Variants in RAPGEF5 observed in about 807,000 individuals in gnomAD.
The protein encoded by RAPGEF5 is Rap guanine nucleotide exchange factor 5, also known as M-Ras-regulated GEF.
Under a neutral mutation model 125.2 loss-of-function variants are expected in RAPGEF5, and 65 were observed. The ratio of observed to expected loss-of-function variants is 0.52; its 90% CI spans 0.43 to 0.64. The LOEUF (loss-of-function observed/expected upper bound fraction) is 0.64, where lower values mean the gene tolerates loss of function less well. Among genes scored for constraint, RAPGEF5 ranks in the 30% least tolerant of loss-of-function variants. The pLI is 0.00. For missense variants in RAPGEF5, 958 were observed against 1,048.1 expected, an observed-to-expected ratio of 0.91 and a Z score of 1.19; for synonymous variants, 391 against 385.9, an observed-to-expected ratio of 1.01 and a Z score of -0.16.
intron 1 of RAPGEF5, among the ~76,000 whole-genome samples, chr7:22,325,186 T>C (rs1183048167): frequency 6.6e-6 from 1 of 152,202 alleles, no homozygotes; most frequent in Non-Finnish European, 1.5e-5. Context: ...CTTTCCATAT[T>C]TGCCACTGAA....
chr7:22,154,253 T>C (rs1191953622), intron 17 of RAPGEF5, among the ~76,000 whole-genome samples: 7 of 152,318 alleles, frequency 4.6e-5, no homozygotes, highest in Non-Finnish European at 7.4e-5. Flanking sequence ...TATTCAGTTC[T>C]TGGGGAGGAA....
intron 1 of RAPGEF5, among the ~76,000 whole-genome samples, chr7:22,351,878 G>A (rs1028416339): frequency 6.6e-6 from 1 of 152,184 alleles, no homozygotes. Context: ...CAAAGGGAAA[G>A]GGATACTTTG....
intron 8 of RAPGEF5, among the ~76,000 whole-genome samples, chr7:22,228,557 G>A (rs1336277908): frequency 2.9e-5 from 4 of 139,028 alleles, no homozygotes; most frequent in Non-Finnish European, 5.9e-5. Context: ...ACCCAGGCTG[G>A]AGTGCAATGG....
intron 1 of RAPGEF5, among the ~76,000 whole-genome samples, chr7:22,346,570 A>T (rs1784228791): frequency 6.6e-6 from 1 of 152,126 alleles, no homozygotes; most frequent in Non-Finnish European, 1.5e-5. Context: ...GTCAGCACCA[A>T]AGTCCTAAGT....
At chr7:22,203,820 C>T (rs1785335622) in intron 9 of RAPGEF5, among the ~76,000 whole-genome samples, 1 of 152,144 alleles carries the variant, frequency 6.6e-6, no homozygotes, top group African/African-American at 2.4e-5. Context: ...GCAACTGAGG[C>T]ATGGTACAGT....
At chr7:22,188,768 A>AG (rs1399594823) in intron 11 of RAPGEF5, among the ~76,000 whole-genome samples, 1 of 151,102 alleles carries the variant, frequency 6.6e-6, no homozygotes, top group African/African-American at 2.4e-5. Flanking sequence ...CCGTCTCAAA[A>AG]AAAAAAAAAA....
chr7:22,127,339 G>A (rs1034791253), intron 24 of RAPGEF5, among the ~76,000 whole-genome samples: 1 of 152,048 alleles, frequency 6.6e-6, no homozygotes, highest in Non-Finnish European at 1.5e-5. Flanking sequence ...CCACCTGGCC[G>A]GCAAAAGTCT....
chr7:22,263,679 G>A (rs10225069), intron 7 of RAPGEF5, among the ~76,000 whole-genome samples: 27,700 of 150,924 alleles, frequency 0.18, 3,087 homozygotes, highest in East Asian at 0.48. Context: ...GCAGTGAGCC[G>A]AAATTGCGCC....
intron 24 of RAPGEF5, among the ~76,000 whole-genome samples, chr7:22,128,284 T>C (rs555754603): frequency 6.6e-6 from 1 of 152,254 alleles, no homozygotes; most frequent in South Asian, 2.1e-4. Flanking sequence ...ATGAAAACAT[T>C]TCCAGTAGCT....
chr7:22,159,390 C>T (rs953356681), intron 14 of RAPGEF5, among the ~76,000 whole-genome samples: 1 of 152,196 alleles, frequency 6.6e-6, no homozygotes, highest in African/African-American at 2.4e-5. Context: ...TCTCCCTTTA[C>T]TAAAATTAAG....
intron 15 of RAPGEF5, 109 bp from the exon 16 acceptor site, chr7:22,156,997 T>C: frequency 1.3e-6 from 2 of 1,483,768 alleles, no homozygotes; most frequent in South Asian, 2.7e-5. Flanking sequence ...TTTTTTAATA[T>C]GAAATCCACC....
At chr7:22,157,917 T>C in intron 14 of RAPGEF5, 32 bp from the exon 15 acceptor site, 1 of 1,589,910 alleles carries the variant, frequency 6.3e-7, no homozygotes, top group Non-Finnish European at 8.6e-7. Context: ...AGTCAGTCTT[T>C]GTCTCAAACC....
chr7:22,245,331 C>T (rs975742253), intron 7 of RAPGEF5, among the ~76,000 whole-genome samples: 16 of 152,094 alleles, frequency 1.1e-4, no homozygotes, highest in African/African-American at 3.9e-4. Context: ...TCTCATTTGT[C>T]TTTTTTCGCT....
chr7:22,152,261 G>A lies in RAPGEF5; in HGVS notation c.1787-1757C>T, dbSNP rs535123084. ...ATGTTGGGCTGGTGACATGTATAGC[G>A]GATGGTCTCACACAGCTGGATTCTT... On this transcript the variant is annotated intron_variant, in intron 17 of 25. Coordinates refer to ENST00000665637, the MANE Select transcript of RAPGEF5 (RefSeq NM_012294.5). Among the ~76,000 whole-genome samples, 13 of 152,194 alleles carry A rather than the reference G, an allele frequency of 8.5e-5. No individual in the cohort carries two copies. The South Asian group carries it at 2.3e-3, about 27-fold the overall frequency.
intron 6 of RAPGEF5, among the ~76,000 whole-genome samples, chr7:22,289,336 A>G (rs993129636): frequency 3.3e-5 from 5 of 152,260 alleles, no homozygotes; most frequent in African/African-American, 1.2e-4. Flanking sequence ...AATATTGGAG[A>G]TAAAAATTCT....
chr7:22,353,978 G>A (rs1307171322), intron 1 of RAPGEF5, among the ~76,000 whole-genome samples: 1 of 152,152 alleles, frequency 6.6e-6, no homozygotes, highest in Non-Finnish European at 1.5e-5. Flanking sequence ...GGCTGAGGTG[G>A]GAGGACCGCT....
intron 6 of RAPGEF5, among the ~76,000 whole-genome samples, chr7:22,285,305 T>C (rs999519745): frequency 1.3e-5 from 2 of 152,232 alleles, no homozygotes; most frequent in Non-Finnish European, 2.9e-5. Context: ...CAGACCATCA[T>C]GGTCAGGACC....
intron 3 of RAPGEF5, among the ~76,000 whole-genome samples, chr7:22,314,302 T>A (rs1783541924): frequency 6.6e-6 from 1 of 152,104 alleles, no homozygotes. Flanking sequence ...AGTGGCTAAA[T>A]GGATAATGAT....
chr7:22,212,036 G>T (rs1279263718), intron 9 of RAPGEF5, among the ~76,000 whole-genome samples: 1 of 143,842 alleles, frequency 7.0e-6, no homozygotes, highest in Non-Finnish European at 1.5e-5. Flanking sequence ...GCACAATCTC[G>T]GCTCACCACA....
Sources: gnomAD v4.1 joint callset for allele counts (sites outside exome capture counted in the v4.1 genomes callset) on GRCh38, gnomAD v4.1.1 for gene constraint, MANE v1.5 for transcripts, NCBI Gene and HGNC (gene_info 2026-07-23, HGNC 2026-07-21) for gene names.